ITGB5: variants seen among roughly 807,000 people sequenced by gnomAD.
ITGB5 encodes the protein integrin subunit beta 5.
ITGB5 carries 38 observed loss-of-function variants against 84.8 expected under a neutral mutation model. The ratio of observed to expected loss-of-function variants is 0.45; its 90% CI spans 0.35 to 0.59. ITGB5 has a LOEUF of 0.59. Among genes scored for constraint, ITGB5 ranks in the 20% least tolerant of loss-of-function variants. The probability of loss-of-function intolerance (pLI) is 0.01; values close to 1 mark genes in which losing one functional copy is unlikely to be tolerated. For synonymous variants in ITGB5, 393 were observed against 414.4 expected (o/e 0.95, Z 0.63); for missense variants, 905 against 1,034.5 (o/e 0.87, Z 1.72).
At chr3:124,840,213 T>C (rs1353351189) in intron 5 of ITGB5, among the ~76,000 whole-genome samples, 3 of 152,214 alleles carry the variant, frequency 2.0e-5, no homozygotes, top group Non-Finnish European at 4.4e-5. Flanking sequence ...GCAGCTGCCA[T>C]ATGCAGGCTC....
chr3:124,785,376 G>A (rs2064065886), intron 10 of ITGB5, among the ~76,000 whole-genome samples: 1 of 152,078 alleles, frequency 6.6e-6, no homozygotes, highest in African/African-American at 2.4e-5. Context: ...GAGGTCAGGA[G>A]TTCGAGACCA....
chr3:124,835,687 T>C (rs1267597167), intron 5 of ITGB5, among the ~76,000 whole-genome samples: 1 of 152,198 alleles, frequency 6.6e-6, no homozygotes, highest in Non-Finnish European at 1.5e-5. Flanking sequence ...GGGGATGCCT[T>C]CCTTGAGGAA....
intron 5 of ITGB5, among the ~76,000 whole-genome samples, chr3:124,828,073 G>A (rs753830086): frequency 1.3e-5 from 2 of 151,854 alleles, no homozygotes; most frequent in African/African-American, 2.4e-5. Context: ...TATTGTTCGC[G>A]CAAAGCCTGT....
intron 1 of ITGB5, among the ~76,000 whole-genome samples, chr3:124,896,408 C>G (rs1935102053): frequency 6.6e-6 from 1 of 152,170 alleles, no homozygotes; most frequent in Non-Finnish European, 1.5e-5. Context: ...ACTAGACATT[C>G]AGACTCTTAG....
intron 9 of ITGB5, among the ~76,000 whole-genome samples, chr3:124,806,324 C>A (rs188091760): frequency 1.3e-5 from 2 of 152,068 alleles, no homozygotes; most frequent in East Asian, 3.9e-4. Flanking sequence ...CCCACATTAT[C>A]CTTCAGCTTT....
At chr3:124,884,239 T>C (rs578043897) in intron 1 of ITGB5, among the ~76,000 whole-genome samples, 112 of 145,206 alleles carry the variant, frequency 7.7e-4, no homozygotes, top group Non-Finnish European at 1.2e-3. Context: ...AAAAAAAGAA[T>C]GTTGAAGTTA....
intron 8 of ITGB5, among the ~76,000 whole-genome samples, chr3:124,817,050 T>G (rs1364103724): frequency 2.6e-5 from 4 of 152,064 alleles, no homozygotes; most frequent in African/African-American, 9.7e-5. Context: ...TGAGACCTCA[T>G]CTCTCTATAT....
At chr3:124,868,618 CAAAAAAAAAAAAAA>C (rs67873873) in intron 2 of ITGB5, among the ~76,000 whole-genome samples, 3 of 68,148 alleles carry the variant, frequency 4.4e-5, no homozygotes, top group African/African-American at 5.9e-5. Context: ...TGTTCTCTAC[CAAAAAAAAAAAAAA>C]AAAAAAAAAA....
intron 5 of ITGB5, 108 bp from the exon 6 acceptor site, chr3:124,821,582 T>A: frequency 8.2e-7 from 1 of 1,217,368 alleles, no homozygotes; most frequent in Non-Finnish European, 1.2e-6. Context: ...TCAGAGGCAT[T>A]CCCCTTGCCA....
At chr3:124,765,428 G>A (rs1040040622) in intron 13 of ITGB5, among the ~76,000 whole-genome samples, 3 of 152,306 alleles carry the variant, frequency 2.0e-5, no homozygotes, top group South Asian at 4.1e-4. Context: ...CAGTGGCCCC[G>A]CCCAGGCTGT....
intron 5 of ITGB5, among the ~76,000 whole-genome samples, chr3:124,835,930 C>A (rs540424758): frequency 2.0e-5 from 3 of 152,250 alleles, no homozygotes; most frequent in African/African-American, 7.2e-5. Flanking sequence ...AGGCTTAAGC[C>A]TGAGCCAGAA....
intron 8 of ITGB5, among the ~76,000 whole-genome samples, chr3:124,810,141 C>A (rs2064475040): frequency 6.6e-6 from 1 of 152,070 alleles, no homozygotes; most frequent in Admixed American, 6.5e-5. Context: ...GTAGTATGTT[C>A]ATATAGTGGA....
At chr3:124,775,600 A>C (rs1258144182) in intron 10 of ITGB5, among the ~76,000 whole-genome samples, 1 of 151,914 alleles carries the variant, frequency 6.6e-6, no homozygotes, top group Admixed American at 6.6e-5. Context: ...TAATGCCATT[A>C]TGTGAAGGCT....
chr3:124,797,453 G>T (rs1052743600), intron 9 of ITGB5, among the ~76,000 whole-genome samples: 1 of 152,110 alleles, frequency 6.6e-6, no homozygotes, highest in Non-Finnish European at 1.5e-5. Context: ...ATCCCCCCAT[G>T]CCCCTGAGGT....
chr3:124,835,354 A>C (rs1480738752), intron 5 of ITGB5, among the ~76,000 whole-genome samples: 2 of 152,250 alleles, frequency 1.3e-5, no homozygotes, highest in African/African-American at 4.8e-5. Context: ...TCAGAAGTGC[A>C]CATGAAACCA....
chr3:124,891,490 A>T (rs1040526426), upstream of ITGB5, among the ~76,000 whole-genome samples: 4 of 151,612 alleles, frequency 2.6e-5, no homozygotes, highest in African/African-American at 9.7e-5. Flanking sequence ...GACCGGCCTG[A>T]GCAACATAGG....
intron 8 of ITGB5, among the ~76,000 whole-genome samples, chr3:124,813,203 G>A (rs909074553): frequency 1.3e-5 from 2 of 152,270 alleles, no homozygotes; most frequent in Admixed American, 6.5e-5. Context: ...AGCCTTTCCC[G>A]TTGGCCAGGA....
intron 2 of ITGB5, among the ~76,000 whole-genome samples, chr3:124,861,087 A>G (rs1450396190): frequency 6.6e-6 from 1 of 152,116 alleles, no homozygotes; most frequent in East Asian, 1.9e-4. Flanking sequence ...AAACAAACAC[A>G]AAAAAGAACA....
intron 2 of ITGB5, among the ~76,000 whole-genome samples, chr3:124,871,152 A>G (rs2107636599): frequency 6.6e-6 from 1 of 151,760 alleles, no homozygotes; most frequent in African/African-American, 2.4e-5. Context: ...CAGCTTCCCA[A>G]AGTGCTGGGA....
Sources: allele counts gnomAD v4.1 joint callset (sites outside exome capture counted in the v4.1 genomes callset), GRCh38; gene constraint gnomAD v4.1.1; transcripts MANE v1.5; gene names NCBI Gene and HGNC (gene_info 2026-07-23, HGNC 2026-07-21).